Variants in BICC1 observed in about 807,000 individuals in gnomAD.
The protein encoded by BICC1 is protein bicaudal C homolog 1.
In BICC1, 43 loss-of-function variants were observed where a neutral mutation model predicts 111.0. The observed-to-expected ratio is 0.39, with a 90% CI of 0.30 to 0.50. The LOEUF is 0.50. Among genes scored for constraint, BICC1 ranks in the 20% least tolerant of loss-of-function variants. BICC1 has a pLI of 0.88. For missense variants in BICC1, 1,091 were observed against 1,203.2 expected, an observed-to-expected ratio of 0.91 and a Z score of 1.38; for synonymous variants, 467 against 434.4, an observed-to-expected ratio of 1.07 and a Z score of -0.93.
chr10:58,728,882 TA>T (rs548361602), intron 3 of BICC1, among the ~76,000 whole-genome samples: 2 of 152,110 alleles, frequency 1.3e-5, no homozygotes, highest in African/African-American at 4.8e-5. Flanking sequence ...ATTTTAATAT[TA>T]AAAAAAGGAA....
At chr10:58,773,586 A>G (rs1564605836) in intron 3 of BICC1, among the ~76,000 whole-genome samples, 1 of 152,208 alleles carries the variant, frequency 6.6e-6, no homozygotes, top group African/African-American at 2.4e-5. Flanking sequence ...AACTGCCAAG[A>G]GACTACTCAG....
chr10:58,540,866 A>T (rs1842954374), intron 1 of BICC1, among the ~76,000 whole-genome samples: 1 of 152,088 alleles, frequency 6.6e-6, no homozygotes, highest in Admixed American at 6.6e-5. Context: ...ATTATGACCA[A>T]GTGGGATTTA....
At chr10:58,758,861 A>G (rs1564597116) in intron 3 of BICC1, among the ~76,000 whole-genome samples, 3 of 151,098 alleles carry the variant, frequency 2.0e-5, no homozygotes, top group African/African-American at 7.3e-5. Context: ...TTCTAATAAG[A>G]TTTTTTTTAA....
chr10:58,598,561 A>G (rs1844912200), intron 1 of BICC1, among the ~76,000 whole-genome samples: 1 of 152,186 alleles, frequency 6.6e-6, no homozygotes, highest in African/African-American at 2.4e-5. Flanking sequence ...ATCCTAGAAG[A>G]AAACCTGGGC....
chr10:58,599,338 A>T (rs1195979812), intron 1 of BICC1, among the ~76,000 whole-genome samples: 2 of 152,284 alleles, frequency 1.3e-5, no homozygotes, highest in Middle Eastern at 3.4e-3. Context: ...GGACGAGTTC[A>T]TTTCCTTTGC....
intron 1 of BICC1, among the ~76,000 whole-genome samples, chr10:58,534,118 G>A (rs1842762166): frequency 6.6e-6 from 1 of 151,670 alleles, no homozygotes; most frequent in Non-Finnish European, 1.5e-5. Flanking sequence ...AGAGATCAGA[G>A]GTGTTCATGT....
chr10:58,607,344 A>ATAAAT (rs1564510203), intron 1 of BICC1, among the ~76,000 whole-genome samples: 2 of 151,744 alleles, frequency 1.3e-5, no homozygotes, highest in Non-Finnish European at 2.9e-5. Flanking sequence ...AAATAAATAA[A>ATAAAT]ACTGTCATGC....
At chr10:58,775,417 A>G (rs1317634998) in intron 3 of BICC1, among the ~76,000 whole-genome samples, 1 of 152,126 alleles carries the variant, frequency 6.6e-6, no homozygotes, top group African/African-American at 2.4e-5. Context: ...CAAACAAAAA[A>G]AAACATTTAA....
At chr10:58,718,717 G>T (rs993059131) in intron 3 of BICC1, among the ~76,000 whole-genome samples, 1 of 150,464 alleles carries the variant, frequency 6.6e-6, no homozygotes, top group African/African-American at 2.5e-5. Flanking sequence ...CTAAAGACTA[G>T]GTCCTCAATA....
intron 6 of BICC1, among the ~76,000 whole-genome samples, chr10:58,788,711 T>A (rs1337118487): frequency 6.6e-6 from 1 of 152,220 alleles, no homozygotes; most frequent in Non-Finnish European, 1.5e-5. Context: ...TATTCAATGA[T>A]CATAAAGAGG....
intron 3 of BICC1, among the ~76,000 whole-genome samples, chr10:58,711,280 C>T (rs529160956): frequency 6.6e-6 from 1 of 152,270 alleles, no homozygotes; most frequent in East Asian, 1.9e-4. Flanking sequence ...GTCACTGTGG[C>T]TAGAGAGAGC....
intron 2 of BICC1, among the ~76,000 whole-genome samples, chr10:58,677,084 A>C (rs2132344929): frequency 6.6e-6 from 1 of 152,348 alleles, no homozygotes; most frequent in East Asian, 1.9e-4. Context: ...TAAATCCCTG[A>C]AGATGAGGAA....
At chr10:58,526,330 T>A (rs746371569) in intron 1 of BICC1, among the ~76,000 whole-genome samples, 4 of 151,952 alleles carry the variant, frequency 2.6e-5, no homozygotes, top group South Asian at 2.1e-4. Flanking sequence ...GTTGTGGAGA[T>A]GTATCATAGC....
Position 58,817,637 on chromosome 10 carries a change from A to G in BICC1, c.2609A>G (p.Asn870Ser). 2 of 1,613,520 alleles carry G rather than the reference A, an allele frequency of 1.2e-6. No homozygotes were observed. Among genetic ancestry groups the G allele is most frequent in the Non-Finnish European group, 1.7e-6 (2 of 1,179,636 alleles). The change falls in exon 19 of 21, where the codon AAT becomes AGT. Residue 870 changes from asparagine to serine, a missense_variant. Coordinates refer to ENST00000373886, the MANE Select transcript of BICC1 (RefSeq NM_001080512.3). ...SLTGSNGCNLNSSFKGSDLPE... is the reference protein window; with the variant it reads ...SLTGSNGCNLSSSFKGSDLPE... ...ACAGGAAGCAATGGCTGTAACTTAA[A>G]TAGCTCTTTCAAAGGTTCTGACCTC...
At chr10:58,814,226 TTATCTACC>T (rs1844012906) in intron 18 of BICC1, 3 of 621,186 alleles carry the variant, frequency 4.8e-6, no homozygotes, top group Admixed American at 2.9e-5. Context: ...GGGCAATTAT[TTATCTACC>T]TATCTGTATC....
At chr10:58,543,834 A>T (rs775074085) in intron 1 of BICC1, among the ~76,000 whole-genome samples, 2 of 998 alleles carry the variant, frequency 2.0e-3, no homozygotes, top group African/African-American at 1.1e-3. Context: ...AACCATAATT[A>T]AAAAAAAAAA....
At chr10:58,724,780 C>T (rs1056123140) in intron 3 of BICC1, among the ~76,000 whole-genome samples, 29 of 152,202 alleles carry the variant, frequency 1.9e-4, no homozygotes, top group African/African-American at 6.3e-4. Flanking sequence ...TCCAGAGCCC[C>T]GGTTGCCCCG....
chr10:58,623,239 A>C (rs563500406), intron 2 of BICC1, among the ~76,000 whole-genome samples: 1 of 152,200 alleles, frequency 6.6e-6, no homozygotes, highest in Non-Finnish European at 1.5e-5. Context: ...AAAATAATAA[A>C]ATTAATTTTA....
intron 20 of BICC1, among the ~76,000 whole-genome samples, chr10:58,825,611 G>C (rs1417730370): frequency 6.6e-6 from 1 of 152,134 alleles, no homozygotes; most frequent in Admixed American, 6.5e-5. Flanking sequence ...AAAATTAACT[G>C]TGTTATATAC....
Sources: gnomAD v4.1 joint callset for allele counts (sites outside exome capture counted in the v4.1 genomes callset) on GRCh38, gnomAD v4.1.1 for gene constraint, MANE v1.5 for transcripts, NCBI Gene and HGNC (gene_info 2026-07-23, HGNC 2026-07-21) for gene names.